MIGA1: variants seen among roughly 807,000 people sequenced by gnomAD.
The protein encoded by MIGA1 is mitoguardin 1.
MIGA1 carries 58 observed loss-of-function variants against 82.0 expected under a neutral mutation model. That is an observed-to-expected ratio of 0.71 (90% CI 0.57 to 0.88). The LOEUF is 0.88. MIGA1 is among the 40% of genes least tolerant of loss of function. MIGA1 has a pLI of 0.00. For synonymous variants in MIGA1, 249 were observed against 253.6 expected (o/e 0.98, Z 0.17); for missense variants, 751 against 749.1 (o/e 1.00, Z -0.03).
chr1:77,822,775 G>A (rs1458803001), intron 7 of MIGA1, among the ~76,000 whole-genome samples: 1 of 148,846 alleles, frequency 6.7e-6, no homozygotes, highest in African/African-American at 2.5e-5. Context: ...TAGAAGAGTA[G>A]TTTGCCAACT....
intron 1 of MIGA1, among the ~76,000 whole-genome samples, chr1:77,781,031 C>T (rs1339136533): frequency 1.3e-5 from 2 of 151,522 alleles, no homozygotes; most frequent in East Asian, 3.9e-4. Flanking sequence ...CTCAGCCTTC[C>T]GAGTAGCTGG....
intron 7 of MIGA1, among the ~76,000 whole-genome samples, chr1:77,838,541 G>A (rs1684513983): frequency 6.6e-6 from 1 of 152,060 alleles, no homozygotes; most frequent in Non-Finnish European, 1.5e-5. Context: ...TCCACCTCCT[G>A]GGTTCAAGCA....
chr1:77,842,046 G>C (rs1451414161), intron 7 of MIGA1, among the ~76,000 whole-genome samples: 2 of 150,872 alleles, frequency 1.3e-5, no homozygotes, highest in African/African-American at 4.9e-5. Flanking sequence ...GCCTTCCAAA[G>C]CACGGGGATG....
At chr1:77,844,114 A>ATATATATG (rs1684736102) in intron 8 of MIGA1, among the ~76,000 whole-genome samples, 1 of 79,230 alleles carries the variant, frequency 1.3e-5, no homozygotes, top group African/African-American at 4.9e-5. Context: ...AAAAAAAAAA[A>ATATATATG]TATATATATA....
chr1:77,830,033 G>T (rs1366388960), intron 7 of MIGA1, among the ~76,000 whole-genome samples: 1 of 151,996 alleles, frequency 6.6e-6, no homozygotes, highest in Non-Finnish European at 1.5e-5. Flanking sequence ...TTGACACTTG[G>T]CAGGGTGAGT....
chr1:77,855,265 A>G (rs1178119485), intron 8 of MIGA1, among the ~76,000 whole-genome samples: 3 of 152,092 alleles, frequency 2.0e-5, no homozygotes, highest in African/African-American at 4.8e-5. Context: ...GCCCATTTTT[A>G]TACCAGTACC....
chr1:77,847,985 G>T (rs1684906978), intron 8 of MIGA1: 1 of 1,221,436 alleles, frequency 8.2e-7, no homozygotes. Flanking sequence ...AGCACCACAG[G>T]AATCAAAACC....
intron 7 of MIGA1, among the ~76,000 whole-genome samples, chr1:77,838,798 CTG>C (rs938619557): frequency 3.3e-5 from 5 of 152,092 alleles, no homozygotes; most frequent in Non-Finnish European, 7.3e-5. Context: ...TTAGTTTTGT[CTG>C]TTTTTGAATT....
chr1:77,785,491 G>A (rs564505551), intron 2 of MIGA1, among the ~76,000 whole-genome samples: 1 of 152,190 alleles, frequency 6.6e-6, no homozygotes, highest in African/African-American at 2.4e-5. Context: ...TTACAGACAT[G>A]TGCCACCACG....
intron 8 of MIGA1, among the ~76,000 whole-genome samples, chr1:77,844,113 A>AAAAATATATATATATATAT (rs1296124524): frequency 1.1e-5 from 1 of 90,148 alleles, no homozygotes; most frequent in African/African-American, 4.6e-5. Flanking sequence ...AAAAAAAAAA[A>AAAAATATATATATATATAT]ATATATATAT....
At chr1:77,791,982 C>G (rs906703939) in intron 2 of MIGA1, among the ~76,000 whole-genome samples, 1 of 152,172 alleles carries the variant, frequency 6.6e-6, no homozygotes, top group Non-Finnish European at 1.5e-5. Flanking sequence ...TTGGTATTGT[C>G]ACTTCAAAAT....
At chr1:77,851,197 T>A (rs1362168944) in intron 8 of MIGA1, among the ~76,000 whole-genome samples, 2 of 152,172 alleles carry the variant, frequency 1.3e-5, no homozygotes, top group African/African-American at 4.8e-5. Context: ...ATGGTCATAT[T>A]TATGGTACTT....
chr1:77,843,653 G>A (rs1463756810), intron 8 of MIGA1, among the ~76,000 whole-genome samples: 1 of 152,162 alleles, frequency 6.6e-6, no homozygotes, highest in Non-Finnish European at 1.5e-5. Flanking sequence ...TGTAGATTAT[G>A]GGTGAGGCAT....
chr1:77,870,191 G>A (rs1200419959), intron 14 of MIGA1, among the ~76,000 whole-genome samples: 4 of 108,848 alleles, frequency 3.7e-5, no homozygotes, highest in Admixed American at 8.5e-5. Flanking sequence ...CTCACCTCCC[G>A]GACGGGGCGG....
At chr1:77,800,779 T>G (rs1244992482) in intron 2 of MIGA1, among the ~76,000 whole-genome samples, 1 of 152,202 alleles carries the variant, frequency 6.6e-6, no homozygotes, top group Non-Finnish European at 1.5e-5. Flanking sequence ...GCTTCCTGAT[T>G]GGTTGTAGGC....
At chr1:77,837,911 G>A (rs985361699) in intron 7 of MIGA1, among the ~76,000 whole-genome samples, 1 of 152,188 alleles carries the variant, frequency 6.6e-6, no homozygotes, top group Non-Finnish European at 1.5e-5. Context: ...CACTCATCAA[G>A]TCTTTTGACT....
At chr1:77,788,810 G>A (rs937335614) in intron 2 of MIGA1, among the ~76,000 whole-genome samples, 1 of 152,064 alleles carries the variant, frequency 6.6e-6, no homozygotes, top group Admixed American at 6.6e-5. Flanking sequence ...GATTACTGTC[G>A]CTTTATAGTG....
chr1:77,855,456 C>T (rs1323698612), intron 8 of MIGA1, among the ~76,000 whole-genome samples: 2 of 152,052 alleles, frequency 1.3e-5, no homozygotes, highest in East Asian at 3.9e-4. Context: ...ATGGGGATTG[C>T]ATTGAATTTG....
chr1:77,841,948 A>ATTTTTT (rs1176838372), intron 7 of MIGA1, among the ~76,000 whole-genome samples: 1 of 121,252 alleles, frequency 8.2e-6, no homozygotes, highest in African/African-American at 3.1e-5. Context: ...ACACCTGGCT[A>ATTTTTT]TTTTTTTTTT....
Sources: gnomAD v4.1 joint callset for allele counts (sites outside exome capture counted in the v4.1 genomes callset) on GRCh38, gnomAD v4.1.1 for gene constraint, MANE v1.5 for transcripts, NCBI Gene and HGNC (gene_info 2026-07-23, HGNC 2026-07-21) for gene names.